The following SPTB variants were observed in gnomAD, a reference collection of about 807,000 sequenced individuals.
SPTB encodes spectrin beta chain, erythrocytic.
A neutral mutation model predicts 256.2 loss-of-function variants in SPTB; 45 were observed. That is an observed-to-expected ratio of 0.18 (90% confidence interval 0.14 to 0.23). The LOEUF (loss-of-function observed/expected upper bound fraction) is 0.23, where lower values mean the gene tolerates loss of function less well. Ranked by LOEUF, SPTB falls within the 10% of genes least tolerant of loss-of-function variation. SPTB has a pLI of 1.00. For synonymous variants in SPTB, 1,231 were observed against 1,243.1 expected (o/e 0.99, Z 0.21); for missense variants, 2,715 against 3,040.4 (o/e 0.89, Z 2.52).
At chr14:64,799,380 G>A (rs1329288208) in intron 9 of SPTB, among the ~76,000 whole-genome samples, 1 of 152,224 alleles carries the variant, frequency 6.6e-6, no homozygotes. Flanking sequence ...GGGGCTGAGA[G>A]CACAGAGGTC....
chr14:64,779,667 T>C lies in SPTB; in HGVS notation c.4473+58A>G, dbSNP rs138384533. ...ATTGCTCTGGGTGGCAGCCAGCTAC[T>C]CTGATGGCAGCTGGTGGCTCAGCCT... On this transcript the variant is annotated intron_variant, in intron 21 of 35. Transcript: ENST00000644917. This position sits in a 1 kb window ranked among gnomAD's most constrained non-coding sequence, Gnocchi z 4.2. 1.4e-4 allele frequency: 230 copies of C among 1,599,054 alleles called. 1 individual carries two copies. The African/African-American group carries it at 2.5e-3, about 17-fold the overall frequency.
chr14:64,769,874 C>T (rs1053455198), intron 27 of SPTB, 146 bp from the exon 28 acceptor site: 57 of 1,059,908 alleles, frequency 5.4e-5, no homozygotes, highest in Admixed American at 3.7e-4. Context: ...GGGGGTCCTC[C>T]GCCAGCCCAG....
rs2082336051 is a variant in SPTB, at chr14:64,775,038, G to A, written c.4842+87C>T. The stretch of plus-strand genomic sequence containing the variant: ...CCCTGGCCTCACTCCTCACACAGTT[G>A]GACTCACAAGGCTCCCTACCGACAG... On this transcript the variant is annotated intron_variant, in intron 23 of 35. Coordinates refer to ENST00000644917, the MANE Select transcript of SPTB (RefSeq NM_001355436.2). The surrounding 1 kb of genome is among the most constrained non-coding windows in gnomAD (Gnocchi z 5.0). The A allele has an allele frequency of 1.3e-6, 2 of 1,584,122 alleles. No homozygotes were observed. Among genetic ancestry groups the A allele is most frequent in the Middle Eastern group, 3.8e-4 (2 of 5,222 alleles).
intron 9 of SPTB, 151 bp downstream of exon 9, chr14:64,799,596 G>A (rs1483925726): frequency 1.1e-6 from 1 of 921,896 alleles, no homozygotes; most frequent in African/African-American, 1.6e-5. Context: ...GTGGTGAAGA[G>A]GGGCACAAGG....
intron 1 of SPTB, among the ~76,000 whole-genome samples, chr14:64,830,684 G>C (rs150754604): frequency 6.6e-6 from 1 of 151,876 alleles, no homozygotes; most frequent in Non-Finnish European, 1.5e-5. Context: ...ATCTCTGTCC[G>C]TGCTCAGCCC....
chr14:64,818,317 T>C (rs2083227546), intron 2 of SPTB, among the ~76,000 whole-genome samples: 2 of 152,166 alleles, frequency 1.3e-5, no homozygotes, highest in South Asian at 2.1e-4. Context: ...GAGATGCCTC[T>C]GTGAGCCGAG....
rs754077015 is a variant in SPTB, at chr14:64,753,616, G to A, written c.6523C>T (p.His2175Tyr). ...EPATLPAPRD[H>Y]GQSVQMEGYL... ...CCTTCCATCTGCACACTCTGCCCAT[G>A]GTCCCGCGGGGCCGGCAGCGTTGCG... Residue 2175 changes from histidine (H) to tyrosine (Y), a missense_variant, in exon 33 of 36, where the codon CAT becomes TAT. His to Tyr is a moderately conservative substitution (Grantham distance 83, BLOSUM62 2). Transcript: ENST00000644917. The A allele has an allele frequency of 6.2e-7, 1 of 1,613,660 alleles. No homozygotes were observed. Among genetic ancestry groups the A allele is most frequent in the Non-Finnish European group, 8.5e-7 (1 of 1,180,030 alleles).
At chr14:64,766,870 G>C in intron 31 of SPTB, 69 bp from the exon 32 acceptor site, 1 of 1,581,668 alleles carries the variant, frequency 6.3e-7, no homozygotes, top group Non-Finnish European at 8.6e-7. Flanking sequence ...GCGAGGCCTG[G>C]CTTTTCACCT....
rs11851159 is a variant in SPTB, at chr14:64,759,250, A to G, written c.6346-5457T>C. ...TGGGAAGGCAGGGAGCCAAGTAGCT[A>G]GGCAGGGAGCCAAGTAGCTGGGCAG... is the stretch of plus-strand genomic sequence containing the variant. On this transcript the variant is annotated intron_variant, in intron 32 of 35. Transcript: ENST00000644917. This position sits in a 1 kb window ranked among gnomAD's most constrained non-coding sequence, Gnocchi z 4.8. Among the ~76,000 whole-genome samples, 5 of 109,148 alleles carry G rather than the reference A, an allele frequency of 4.6e-5. No individual in the cohort carries two copies. The highest frequency in any genetic ancestry group is 8.4e-5 in the Admixed American group (1 of 11,946). The allele number at this position is 109,148 out of a possible 152,430, so 71.6% of individuals were successfully genotyped here.
chr14:64,818,297 C>T (rs2083226911), intron 2 of SPTB, among the ~76,000 whole-genome samples: 1 of 152,224 alleles, frequency 6.6e-6, no homozygotes, highest in Admixed American at 6.5e-5. Context: ...CGGACTGCTC[C>T]CTGCACTGCG....
rs886038377 is a variant in SPTB at position 64,803,721 on chromosome 14, G to A, written c.360C>T (p.Leu120=). The A allele has an allele frequency of 1.1e-5, 17 of 1,614,134 alleles. No homozygotes were observed. Among genetic ancestry groups the A allele is most frequent in the Non-Finnish European group, 1.4e-5 (17 of 1,180,020 alleles). The change falls in exon 4 of 36, where the codon CTC becomes CTT. Residue 120 remains leucine, a synonymous_variant. Transcript: ENST00000644917. Reference sequence around the variant, plus strand: ...GTACACGCTGCTCCTTGAGGAACTGGAGAGCCTTGTCCACATTCTCCAGGC... The same window carrying A: ...GTACACGCTGCTCCTTGAGGAACTGAAGAGCCTTGTCCACATTCTCCAGGC... ...IHCLENVDKA[L]QFLKEQRVHL... is the part of the protein sequence containing the mutation.
At chr14:64,771,646 T>C (rs2082280476) in intron 26 of SPTB, among the ~76,000 whole-genome samples, 1 of 152,138 alleles carries the variant, frequency 6.6e-6, no homozygotes, top group Non-Finnish European at 1.5e-5. Context: ...AAGGAAGTGG[T>C]TGCACCAGAT....
Position 64,773,402 on chromosome 14 carries a change from C to A in SPTB, c.4996G>T (p.Gly1666Trp). ...CCTGCGTAGTGCTTGTCCACTTGCC[C>A]CTGAAGTCTGATGATCTGTTCCCTG... is the stretch of plus-strand genomic sequence containing the variant. ...PEGEQIIRLQ[G>W]QVDKHYAGLK... The change falls in exon 25 of 36, where the codon GGG becomes TGG. Residue 1666 changes from glycine to tryptophan, a missense_variant. This residue lies in a region of SPTB where 2,239 missense variants were observed against 2,384.4 expected (regional missense o/e 0.94). Transcript: ENST00000644917. 5.0e-6 allele frequency: 8 copies of A among 1,614,090 alleles called. No individual in the cohort carries two copies. Among genetic ancestry groups the A allele is most frequent in the Non-Finnish European group, 6.8e-6 (8 of 1,180,026 alleles).
Position 64,796,503 on chromosome 14 carries a change from G to T in SPTB, c.1341+54C>A, listed in dbSNP as rs2082771674. ...TTGGACTCCAGCCCAGCCAAGAGCT[G>T]GGGGCTCTGAAGAATGTCCCCTCTC... On this transcript the variant is annotated intron_variant, in intron 11 of 35. Transcript: ENST00000644917. This position sits in a 1 kb window ranked among gnomAD's most constrained non-coding sequence, Gnocchi z 4.1. 6.2e-6 allele frequency: 10 copies of T among 1,611,744 alleles called. No homozygotes were observed. The East Asian group carries it at 2.2e-4, about 36-fold the overall frequency.
At chr14:64,798,859 G>A (rs1346969237) in intron 9 of SPTB, among the ~76,000 whole-genome samples, 6 of 152,194 alleles carry the variant, frequency 3.9e-5, no homozygotes, top group Non-Finnish European at 8.8e-5. Flanking sequence ...AGAGCAGAAG[G>A]TACCATCAAT....
intron 1 of SPTB, among the ~76,000 whole-genome samples, chr14:64,848,569 G>C (rs1042026494): frequency 6.6e-6 from 1 of 152,150 alleles, no homozygotes; most frequent in Non-Finnish European, 1.5e-5. Flanking sequence ...CAATATTGTT[G>C]ATAAGTTAAT....
In SPTB at chr14:64,792,499, G is replaced by T. The variant is rs969542054; in HGVS notation, c.2666+498C>A. Among the ~76,000 whole-genome samples the T allele has an allele frequency of 2.0e-5, 3 of 152,156 alleles. No homozygotes were observed. Among genetic ancestry groups the T allele is most frequent in the African/African-American group, 7.2e-5 (3 of 41,434 alleles). ...CTGCTGAGATGCTGCACAGACTGGGGCATGCCTCATCATCTGGGGTGCTGA... is the reference window on the plus strand; with the variant it reads ...CTGCTGAGATGCTGCACAGACTGGGTCATGCCTCATCATCTGGGGTGCTGA... On this transcript the variant is annotated intron_variant, in intron 14 of 35. Transcript: ENST00000644917. The surrounding 1 kb of genome is among the most constrained non-coding windows in gnomAD (Gnocchi z 4.2).
rs761373465 is a variant in SPTB at position 64,823,039 on chromosome 14, A to G, written c.56T>C (p.Ile19Thr). 1 of 1,614,076 alleles carries G rather than the reference A, an allele frequency of 6.2e-7. No homozygotes were observed. Among genetic ancestry groups the G allele is most frequent in the Non-Finnish European group, 8.5e-7 (1 of 1,180,012 alleles). ...NVGNQPPYSR[I>T]NARWDAPDDE... ...GTCTGGGGCGTCCCAGCGGGCATTG[A>G]TCCTGCTGTAAGGTGGCTGGTTGCC... Residue 19 changes from isoleucine (I) to threonine (T), a missense_variant, in exon 2 of 36, where the codon ATC (isoleucine) becomes ACC (threonine). Coordinates refer to ENST00000644917, the MANE Select transcript of SPTB (RefSeq NM_001355436.2). This position sits in a 1 kb window ranked among gnomAD's most constrained non-coding sequence, Gnocchi z 6.5.
intron 1 of SPTB, among the ~76,000 whole-genome samples, chr14:64,869,204 G>A (rs958680234): frequency 6.6e-6 from 1 of 152,010 alleles, no homozygotes; most frequent in Admixed American, 6.5e-5. Flanking sequence ...AAGTCTGATT[G>A]TAAATAATAA....
Sources: allele counts gnomAD v4.1 joint callset (sites outside exome capture counted in the v4.1 genomes callset), GRCh38; gene constraint gnomAD v4.1.1; regional missense constraint gnomAD v4.1.1; non-coding constraint Gnocchi (gnomAD v3.1); transcripts MANE v1.5; gene names NCBI Gene and HGNC (gene_info 2026-07-23, HGNC 2026-07-21).